The following ATP11A variants were observed in gnomAD, a reference collection of about 807,000 sequenced individuals.
The protein encoded by ATP11A is phospholipid-transporting ATPase IH.
A neutral mutation model predicts 154.4 loss-of-function variants in ATP11A; 81 were observed. The observed-to-expected ratio is 0.52, with a 90% CI of 0.44 to 0.63. The LOEUF is 0.63. Among genes scored for constraint, ATP11A ranks in the 30% least tolerant of loss-of-function variants. The pLI is 0.00. For synonymous variants in ATP11A, 623 were observed against 585.9 expected (o/e 1.06, Z -0.91); for missense variants, 1,316 against 1,474.3 (o/e 0.89, Z 1.76).
At chr13:112,858,569 C>T (rs1297452133) in intron 22 of ATP11A, 4 of 300,646 alleles carry the variant, frequency 1.3e-5, no homozygotes, top group Admixed American at 9.5e-5. Flanking sequence ...CATGCCATTC[C>T]GAGCAGCGTG....
At chr13:112,843,385 T>C (rs2140296732) in intron 17 of ATP11A, among the ~76,000 whole-genome samples, 1 of 152,318 alleles carries the variant, frequency 6.6e-6, no homozygotes, top group Admixed American at 6.5e-5. Flanking sequence ...TGTCCCACGG[T>C]GTCTGCACCC....
intron 5 of ATP11A, among the ~76,000 whole-genome samples, chr13:112,813,559 G>C (rs1467380024): frequency 1.3e-5 from 2 of 152,222 alleles, no homozygotes; most frequent in African/African-American, 4.8e-5. Context: ...CAAGAGAGCT[G>C]CTATGAATAT....
intron 2 of ATP11A, among the ~76,000 whole-genome samples, chr13:112,786,719 C>A: frequency 6.6e-6 from 1 of 151,340 alleles, no homozygotes; most frequent in South Asian, 2.1e-4. Flanking sequence ...AATGGATGAG[C>A]TAAACCCACG....
At chr13:112,758,089 G>A (rs1362310029) in intron 1 of ATP11A, among the ~76,000 whole-genome samples, 2 of 152,234 alleles carry the variant, frequency 1.3e-5, no homozygotes, top group Admixed American at 6.5e-5. Flanking sequence ...TTGAGACAGA[G>A]TCTTGCTCTG....
intron 12 of ATP11A, among the ~76,000 whole-genome samples, chr13:112,828,114 G>GAGGGAAACGCCCAGCAGTGTTGAGTGC (rs2078982065): frequency 2.1e-5 from 3 of 144,082 alleles, no homozygotes; most frequent in Non-Finnish European, 4.6e-5. Flanking sequence ...GCGTTGAGTG[G>GAGGGAAACGCCCAGCAGTGTTGAGTGC]GGGGAAGCGC....
At chr13:112,714,077 C>T (rs200286222) in intron 1 of ATP11A, among the ~76,000 whole-genome samples, 841 of 57,112 alleles carry the variant, frequency 0.015, no homozygotes, top group East Asian at 0.017. Flanking sequence ...CCTTCCACTC[C>T]CCCGACCCCT....
intron 1 of ATP11A, among the ~76,000 whole-genome samples, chr13:112,748,658 G>A (rs556915026): frequency 2.0e-5 from 3 of 152,134 alleles, no homozygotes; most frequent in East Asian, 1.9e-4. Flanking sequence ...GAGCCACCAC[G>A]CCCGGCCTGA....
intron 1 of ATP11A, among the ~76,000 whole-genome samples, chr13:112,772,190 GT>G (rs1361834114): frequency 6.6e-6 from 1 of 152,192 alleles, no homozygotes; most frequent in Non-Finnish European, 1.5e-5. Flanking sequence ...CTAAGACGGA[GT>G]TTATTATGTC....
intron 1 of ATP11A, among the ~76,000 whole-genome samples, chr13:112,781,784 C>CAAAAAAA (rs748401969): frequency 2.1e-4 from 21 of 101,306 alleles, no homozygotes; most frequent in Non-Finnish European, 3.5e-4. Flanking sequence ...TTTCACTTTG[C>CAAAAAAA]AAAAAAAAAA....
At chr13:112,778,088 C>T (rs1371732559) in intron 1 of ATP11A, among the ~76,000 whole-genome samples, 5 of 152,316 alleles carry the variant, frequency 3.3e-5, no homozygotes, top group Middle Eastern at 3.4e-3. Context: ...CCGTGTGAAT[C>T]GTGGAAATGA....
intron 1 of ATP11A, among the ~76,000 whole-genome samples, chr13:112,693,164 C>G (rs559924078): frequency 1.2e-4 from 18 of 152,312 alleles, no homozygotes; most frequent in Admixed American, 2.0e-4. Flanking sequence ...GCCAGGGTAG[C>G]CAGGTACTCC....
chr13:112,853,181 C>T (rs2079820269), intron 18 of ATP11A, among the ~76,000 whole-genome samples: 1 of 152,090 alleles, frequency 6.6e-6, no homozygotes, highest in Non-Finnish European at 1.5e-5. Context: ...GATCATACCA[C>T]TGTACCCTAG....
chr13:112,731,667 T>A (rs2139693091), intron 1 of ATP11A, among the ~76,000 whole-genome samples: 1 of 152,192 alleles, frequency 6.6e-6, no homozygotes, highest in Non-Finnish European at 1.5e-5. Flanking sequence ...AGACAGTAGG[T>A]GTCACTTATG....
chr13:112,823,785 A>G (rs923993720), intron 9 of ATP11A, among the ~76,000 whole-genome samples: 5 of 152,206 alleles, frequency 3.3e-5, no homozygotes, highest in African/African-American at 9.6e-5. Context: ...GAAGTATACA[A>G]GTGTGCCCCA....
intron 1 of ATP11A, among the ~76,000 whole-genome samples, chr13:112,757,121 T>C (rs979705825): frequency 2.0e-5 from 3 of 152,188 alleles, no homozygotes; most frequent in African/African-American, 7.2e-5. Context: ...CTACAATCTG[T>C]AGTGTTACTG....
intron 1 of ATP11A, among the ~76,000 whole-genome samples, chr13:112,702,785 G>A (rs1032428866): frequency 3.9e-5 from 6 of 152,246 alleles, no homozygotes; most frequent in African/African-American, 7.2e-5. Flanking sequence ...AAGAGCGGGC[G>A]GTGTGCGTGT....
Position 112,770,658 on chromosome 13 carries a change from T to C in ATP11A, c.40-14477T>C, listed in dbSNP as rs2077204262. 3.9e-5 allele frequency among the ~76,000 whole-genome samples: 6 copies of C among 152,192 alleles called. No homozygotes were observed. The South Asian group carries it at 1.2e-3, about 31-fold the overall frequency. ...CGTGGTCCACCTGCGGAGGGCCTGT[T>C]TGCGTTTATTACACCCGAGCAAGGC... is the stretch of plus-strand genomic sequence containing the variant. On this transcript the variant is annotated intron_variant, in intron 1 of 29. Coordinates refer to ENST00000375645, the MANE Select transcript of ATP11A (RefSeq NM_015205.3).
chr13:112,850,935 A>T, intron 17 of ATP11A, 102 bp from the exon 18 acceptor site: 2 of 1,030,360 alleles, frequency 1.9e-6, no homozygotes, highest in Non-Finnish European at 2.9e-6. Flanking sequence ...TTCTTGGGTT[A>T]GTTAGTCTAA....
chr13:112,820,898 G>C (rs947173205), intron 8 of ATP11A, among the ~76,000 whole-genome samples: 1 of 152,002 alleles, frequency 6.6e-6, no homozygotes, highest in Non-Finnish European at 1.5e-5. Context: ...ACTGCAAAGT[G>C]AATAGTTCCT....
Sources: gnomAD v4.1 joint callset for allele counts (sites outside exome capture counted in the v4.1 genomes callset) on GRCh38, gnomAD v4.1.1 for gene constraint, MANE v1.5 for transcripts, NCBI Gene and HGNC (gene_info 2026-07-23, HGNC 2026-07-21) for gene names.